The following AFF4 variants were observed in gnomAD, a reference collection of about 807,000 sequenced individuals.
AFF4 encodes ALF transcription elongation factor 4.
A neutral mutation model predicts 124.8 loss-of-function variants in AFF4; 13 were observed. The observed-to-expected ratio is 0.10, with a 90% confidence interval of 0.07 to 0.17. The LOEUF is 0.17. AFF4 is among the 10% of genes least tolerant of loss of function. The pLI is 1.00. For synonymous variants in AFF4, 477 were observed against 496.1 expected (o/e 0.96, Z 0.51); for missense variants, 1,092 against 1,403.8 (o/e 0.78, Z 3.55).
intron 1 of AFF4, among the ~76,000 whole-genome samples, chr5:132,944,503 T>C (rs1761650249): frequency 6.6e-6 from 1 of 151,466 alleles, no homozygotes; most frequent in South Asian, 2.1e-4. Context: ...AAAAATTAGC[T>C]GGGTGTGGTG....
chr5:132,893,209 A>C, intron 11 of AFF4, 91 bp from the exon 12 acceptor site: 1 of 997,070 alleles, frequency 1.0e-6, no homozygotes, highest in East Asian at 2.4e-5. Flanking sequence ...ATCCATGATT[A>C]GGCATCAGAA....
chr5:132,938,941 CAAAA>C (rs762784790), intron 1 of AFF4, among the ~76,000 whole-genome samples: 62 of 38,324 alleles, frequency 1.6e-3, no homozygotes, highest in South Asian at 4.0e-3. Flanking sequence ...AGACTCATCT[CAAAA>C]AAAAAAAAAA....
chr5:132,881,122 A>G lies in AFF4; in HGVS notation c.3429T>C (p.Asp1143=). ...PLIFNASIMT[D]LVRYTRQGLH... is the part of the protein sequence containing the mutation. ...GTCCCTGCCGGGTATAACGAACTAG[A>G]TCTGTCATGATGCTTGCATTAAAGA... The change falls in exon 21 of 21, where the codon GAT becomes GAC. Residue 1143 remains aspartate, a synonymous_variant. Coordinates refer to ENST00000265343, the MANE Select transcript of AFF4 (RefSeq NM_014423.4). The G allele has an allele frequency of 6.2e-7, 1 of 1,614,218 alleles. No individual in the cohort carries two copies. The highest frequency in any genetic ancestry group is 8.5e-7 in the Non-Finnish European group (1 of 1,180,032).
chr5:132,886,027 C>G (rs1760109891), intron 18 of AFF4, among the ~76,000 whole-genome samples: 1 of 152,160 alleles, frequency 6.6e-6, no homozygotes, highest in African/African-American at 2.4e-5. Context: ...CTGCCTCAGC[C>G]TCCCAAAGTG....
intron 1 of AFF4, among the ~76,000 whole-genome samples, chr5:132,948,223 T>G (rs1303507373): frequency 6.6e-6 from 1 of 152,088 alleles, no homozygotes; most frequent in Non-Finnish European, 1.5e-5. Context: ...GCTAATCTTT[T>G]GTATTTTAGT....
intron 1 of AFF4, among the ~76,000 whole-genome samples, chr5:132,954,927 A>C (rs144316199): frequency 1.3e-5 from 2 of 152,296 alleles, no homozygotes; most frequent in African/African-American, 4.8e-5. Flanking sequence ...ATAGCCTTTC[A>C]CATCCTGCCC....
intron 3 of AFF4, among the ~76,000 whole-genome samples, chr5:132,933,785 T>G (rs1761355464): frequency 6.6e-6 from 1 of 152,208 alleles, no homozygotes; most frequent in African/African-American, 2.4e-5. Context: ...TTAGTATCAA[T>G]CTAAGCATAG....
intron 1 of AFF4, among the ~76,000 whole-genome samples, chr5:132,947,185 G>T (rs780373125): frequency 6.6e-6 from 1 of 152,118 alleles, no homozygotes; most frequent in Admixed American, 6.6e-5. Flanking sequence ...AGTGGATCAC[G>T]TGAGGTCAGG....
intron 10 of AFF4, among the ~76,000 whole-genome samples, chr5:132,897,683 C>T (rs1672284437): frequency 6.7e-6 from 1 of 149,868 alleles, no homozygotes; most frequent in African/African-American, 2.5e-5. Context: ...GCACTCCAGC[C>T]TGGGTGACAG....
At chr5:132,940,249 T>C (rs1289335482) in intron 1 of AFF4, among the ~76,000 whole-genome samples, 6 of 150,076 alleles carry the variant, frequency 4.0e-5, no homozygotes, top group Admixed American at 1.3e-4. Flanking sequence ...CCTGTAATCC[T>C]AGCAATTTGG....
chr5:132,916,979 G>A (rs1315154987), intron 5 of AFF4, among the ~76,000 whole-genome samples: 3 of 151,902 alleles, frequency 2.0e-5, no homozygotes, highest in African/African-American at 7.3e-5. Flanking sequence ...GGAGTGCAAT[G>A]GGGTGATCTT....
chr5:132,957,517 G>C (rs1259046071), intron 1 of AFF4, among the ~76,000 whole-genome samples: 2 of 152,030 alleles, frequency 1.3e-5, no homozygotes, highest in Non-Finnish European at 2.9e-5. Context: ...CAGATCACCT[G>C]AGGTCAGGAG....
intron 1 of AFF4, among the ~76,000 whole-genome samples, chr5:132,952,788 C>A (rs573667186): frequency 3.6e-4 from 55 of 152,228 alleles, no homozygotes; most frequent in African/African-American, 1.3e-3. Flanking sequence ...ATTCCACCTA[C>A]TCGAGAGGCT....
At chr5:132,955,430 A>G (rs1049656685) in intron 1 of AFF4, among the ~76,000 whole-genome samples, 3 of 152,182 alleles carry the variant, frequency 2.0e-5, no homozygotes, top group East Asian at 1.9e-4. Flanking sequence ...TCTGATAGGA[A>G]GCAAAGCTCA....
Position 132,892,245 on chromosome 5 carries a change from A to G in AFF4, c.2556T>C (p.Ser852=), listed in dbSNP as rs1159935378. The stretch of plus-strand genomic sequence containing the variant: ...TGGAGGAACTGTTTTTGCTGCTGCC[A>G]CTCGTCTCCTTGTTGCTGTTACTGC... ...KSSSNSNKET[S]GSSKNSSSTS... is the part of the protein sequence containing the mutation. Residue 852 remains serine, a synonymous_variant, in exon 13 of 21, where the codon AGT becomes AGC. Coordinates refer to ENST00000265343, the MANE Select transcript of AFF4 (RefSeq NM_014423.4). The G allele has an allele frequency of 1.2e-6, 2 of 1,613,932 alleles. No homozygotes were observed. The highest frequency in any genetic ancestry group is 2.2e-5 in the South Asian group (2 of 91,072).
At chr5:132,901,920 C>T (rs1760561817) in intron 7 of AFF4, among the ~76,000 whole-genome samples, 1 of 152,204 alleles carries the variant, frequency 6.6e-6, no homozygotes, top group South Asian at 2.1e-4. Flanking sequence ...GGGTCTACAG[C>T]TGCTTTCATA....
chr5:132,963,555 G>C lies in AFF4; in HGVS notation c.-301C>G, dbSNP rs1409267159. ...GAGGCGGCGGGGGCGGGTTAACGAA[G>C]ACCTGGCACCAGGATCCCCGCCCCG... is the stretch of plus-strand genomic sequence containing the variant. On this transcript the variant is annotated 5_prime_UTR_variant, in exon 1 of 21. Transcript: ENST00000265343. The C allele has an allele frequency of 1.3e-5, 5 of 398,090 alleles. No individual in the cohort carries two copies. In the Admixed American group the frequency reaches 1.3e-4, roughly 11 times the overall value. 24.7% of individuals were successfully genotyped at this position (398,090 alleles called of 1,614,324 possible).
intron 1 of AFF4, among the ~76,000 whole-genome samples, chr5:132,950,392 T>C (rs4705980): frequency 0.12 from 17,544 of 152,262 alleles, 1,285 homozygotes; most frequent in South Asian, 0.2. Context: ...GGAGAATCGC[T>C]TGAACGGGAG....
intron 8 of AFF4, 89 bp downstream of exon 8, chr5:132,899,498 G>C: frequency 2.6e-6 from 3 of 1,158,360 alleles, no homozygotes; most frequent in Non-Finnish European, 3.6e-6. Flanking sequence ...CTTATTTTAA[G>C]TAATAAATGC....
Sources: allele counts gnomAD v4.1 joint callset (sites outside exome capture counted in the v4.1 genomes callset), GRCh38; gene constraint gnomAD v4.1.1; transcripts MANE v1.5; gene names NCBI Gene and HGNC (gene_info 2026-07-23, HGNC 2026-07-21).